COPB2: variants seen among roughly 807,000 people sequenced by gnomAD.
The protein encoded by COPB2 is coat protein complex I subunit beta 2.
A neutral mutation model predicts 120.8 loss-of-function variants in COPB2; 16 were observed. That is an observed-to-expected ratio of 0.13 (90% CI 0.09 to 0.20). The LOEUF (loss-of-function observed/expected upper bound fraction) is 0.20, where lower values mean the gene tolerates loss of function less well. Among genes scored for constraint, COPB2 ranks in the 10% least tolerant of loss-of-function variants. The pLI is 1.00. For missense variants in COPB2, 794 were observed against 1,076.5 expected (o/e 0.74, Z 3.67); for synonymous variants, 332 against 366.3 (o/e 0.91, Z 1.07).
intron 15 of COPB2, 78 bp from the exon 16 acceptor site, chr3:139,362,595 C>T (rs1223467549): frequency 1.3e-6 from 1 of 761,264 alleles, no homozygotes; most frequent in Non-Finnish European, 2.0e-6. Flanking sequence ...TATATACACA[C>T]ACATATACAG....
At chr3:139,358,150 T>C (rs763711557) in intron 21 of COPB2, 50 bp downstream of exon 21, 7 of 1,504,446 alleles carry the variant, frequency 4.7e-6, no homozygotes, top group Admixed American at 3.4e-5. Flanking sequence ...CAGATATTGA[T>C]GGGGAGGAAG....
At chr3:139,364,058 GCATAAGCTCCCAACGA>G (rs1181638561) in intron 15 of COPB2, among the ~76,000 whole-genome samples, 6 of 151,796 alleles carry the variant, frequency 4.0e-5, no homozygotes, top group African/African-American at 1.5e-4. Flanking sequence ...TTTTTTAAAG[GCATAAGCTCCCAACGA>G]CACACAGAAA....
Position 139,375,640 on chromosome 3 carries a change from G to A in COPB2, c.505-26C>T, listed in dbSNP as rs893525825. On this transcript the variant is annotated intron_variant, in intron 5 of 21. Transcript: ENST00000333188. ...CTGCAGAGAGAAACAGCATCGGCCAGTCAATATGGGGCCTTGCTTTACAAA... is the reference window on the plus strand; with the variant it reads ...CTGCAGAGAGAAACAGCATCGGCCAATCAATATGGGGCCTTGCTTTACAAA... 3.1e-6 allele frequency: 5 copies of A among 1,609,990 alleles called. No individual in the cohort carries two copies. The African/African-American group carries it at 6.7e-5, about 22-fold the overall frequency.
chr3:139,372,377 G>T (rs9859864), intron 9 of COPB2, among the ~76,000 whole-genome samples: 69,629 of 152,082 alleles, frequency 0.46, 19,137 homozygotes, highest in Middle Eastern at 0.62. Context: ...CAGAGTCAAC[G>T]AAAATTTTCC....
In COPB2 at chr3:139,374,477, C is replaced by G. The variant is rs1448995370; in HGVS notation, c.751+12G>C. 1 of 1,609,932 alleles carries G rather than the reference C, an allele frequency of 6.2e-7. No individual in the cohort carries two copies. The highest frequency in any genetic ancestry group is 1.7e-5 in the Admixed American group (1 of 60,008). On this transcript the variant is annotated intron_variant, in intron 7 of 21. Coordinates refer to ENST00000333188, the MANE Select transcript of COPB2 (RefSeq NM_004766.3). ...TTACTAGCACAGGAATAAACATACC[C>G]TTCTAACTTACCATCTTCTGAACCT... is the stretch of plus-strand genomic sequence containing the variant.
chr3:139,378,440 C>A (rs1019400243), intron 4 of COPB2, among the ~76,000 whole-genome samples: 3 of 151,962 alleles, frequency 2.0e-5, no homozygotes, highest in Non-Finnish European at 4.4e-5. Context: ...TGTGAAAAAA[C>A]TTAAAAATTC....
At position 139,369,271 on chromosome 3, in the gene COPB2, T is replaced by C. The variant is rs773269860; in HGVS notation, c.1391A>G (p.Gln464Arg). 1.2e-6 allele frequency: 2 copies of C among 1,606,230 alleles called. No individual in the cohort carries two copies. Among genetic ancestry groups the C allele is most frequent in the Non-Finnish European group, 1.7e-6 (2 of 1,175,718 alleles). The change falls in exon 12 of 22, where the codon CAG (glutamine) becomes CGG (arginine). Residue 464 changes from glutamine to arginine, a missense_variant. Gln to Arg is a conservative substitution (Grantham distance 43, BLOSUM62 1). Coordinates refer to ENST00000333188, the MANE Select transcript of COPB2 (RefSeq NM_004766.3). ...NTELIRRIEI[Q>R]PKHIFWSDSG... ...GGAGGGGAAACTCACATGTTTGGGC[T>C]GAATTTCAATTCTTCGTATGAGTTC...
At chr3:139,372,523 C>A (rs1941639332) in intron 9 of COPB2, among the ~76,000 whole-genome samples, 1 of 152,144 alleles carries the variant, frequency 6.6e-6, no homozygotes, top group Non-Finnish European at 1.5e-5. Flanking sequence ...GCATTCTTAA[C>A]CTTTATAAGA....
At chr3:139,364,053 T>A (rs1052339844) in intron 15 of COPB2, among the ~76,000 whole-genome samples, 9 of 152,012 alleles carry the variant, frequency 5.9e-5, no homozygotes, top group Non-Finnish European at 7.4e-5. Flanking sequence ...GATTTTTTTT[T>A]AAAGGCATAA....
intron 2 of COPB2, 69 bp downstream of exon 2, chr3:139,383,229 C>T: frequency 1.3e-6 from 2 of 1,545,640 alleles, no homozygotes; most frequent in Non-Finnish European, 1.8e-6. Context: ...TATAATATTT[C>T]TTCTCTTTCA....
In COPB2 at chr3:139,379,112, G is replaced by A. The variant is rs752646717; in HGVS notation, c.290C>T (p.Ala97Val). ...AATACAGCGAATGTAGTCTGAGTGT[G>A]CTTCAAACATATGAACTCTCTCCAG... ...NTLERVHMFEAHSDYIRCIAV... is the reference protein window; with the variant it reads ...NTLERVHMFEVHSDYIRCIAV... The change falls in exon 4 of 22, where the codon GCA (alanine) becomes GTA (valine). Residue 97 changes from alanine to valine, a missense_variant. Ala to Val is a moderately conservative substitution (Grantham distance 64). Around this residue, in one of 3 missense-constraint regions of COPB2, gnomAD observed 610 missense variants for 866.7 expected, o/e 0.70. Coordinates refer to ENST00000333188, the MANE Select transcript of COPB2 (RefSeq NM_004766.3). 1.2e-6 allele frequency: 2 copies of A among 1,612,820 alleles called. No homozygotes were observed. The highest frequency in any genetic ancestry group is 1.3e-5 in the African/African-American group (1 of 74,950).
intron 1 of COPB2, chr3:139,388,295 CAT>C (rs1347911180): frequency 6.6e-6 from 1 of 150,394 alleles, no homozygotes; most frequent in Admixed American, 6.7e-5. Flanking sequence ...TTCGGCAGCA[CAT>C]AGAGAGGAGA....
chr3:139,362,562 TGTATGTATGTTTTATATA>T, intron 15 of COPB2, 45 bp from the exon 16 acceptor site: 1 of 1,246,946 alleles, frequency 8.0e-7, no homozygotes, highest in Non-Finnish European at 1.1e-6. Flanking sequence ...CATACAAAAA[TGTATGTATGTTTTATATA>T]TATATATATA....
At position 139,369,524 on chromosome 3, in the gene COPB2, T is replaced by C. The variant is rs761083743; in HGVS notation, c.1226A>G (p.Asn409Ser). The C allele has an allele frequency of 6.2e-7, 1 of 1,610,694 alleles. No homozygotes were observed. The highest frequency in any genetic ancestry group is 2.2e-5 in the East Asian group (1 of 44,820). ...DSSEYAIRES[N>S]SIVKIFKNFK... ...GTTCTTAAATATCTTTACAATGCTG[T>C]TGCTCTCTCTTATTGCATACCTGGG... The change falls in exon 11 of 22, where the codon AAC (asparagine) becomes AGC (serine). Residue 409 changes from asparagine (N) to serine (S), a missense_variant. Asn to Ser is a conservative substitution (Grantham distance 46, BLOSUM62 1). Transcript: ENST00000333188.
At chr3:139,375,692 A>G (rs2107805634) in intron 5 of COPB2, 78 bp from the exon 6 acceptor site, 57 of 1,451,658 alleles carry the variant, frequency 3.9e-5, no homozygotes, top group East Asian at 1.2e-4. Context: ...TTTCTGACAC[A>G]TTATGTAAAA....
chr3:139,363,887 A>G (rs1479157361), intron 15 of COPB2, among the ~76,000 whole-genome samples: 2 of 152,212 alleles, frequency 1.3e-5, no homozygotes, highest in East Asian at 3.8e-4. Flanking sequence ...TTCCACTAGC[A>G]TTGATATAGA....
intron 13 of COPB2, among the ~76,000 whole-genome samples, chr3:139,367,476 C>A (rs570963797): frequency 6.6e-6 from 1 of 152,076 alleles, no homozygotes; most frequent in East Asian, 1.9e-4. Context: ...TTCGTAGAGA[C>A]AGGGTTTCAC....
At chr3:139,362,327 T>C in intron 16 of COPB2, 80 bp downstream of exon 16, 1 of 938,826 alleles carries the variant, frequency 1.1e-6, no homozygotes, top group Non-Finnish European at 1.6e-6. Flanking sequence ...AAAACTTTAA[T>C]AACAAAACAT....
chr3:139,369,400 C>G, intron 11 of COPB2, 33 bp from the exon 12 acceptor site: 1 of 1,605,868 alleles, frequency 6.2e-7, no homozygotes, highest in Non-Finnish European at 8.5e-7. Context: ...TTTGCTTAGG[C>G]ATTTTTGAGC....
Sources: gnomAD v4.1 joint callset for allele counts (sites outside exome capture counted in the v4.1 genomes callset) on GRCh38, gnomAD v4.1.1 for gene constraint, gnomAD v4.1.1 regional missense constraint, MANE v1.5 for transcripts, NCBI Gene and HGNC (gene_info 2026-07-23, HGNC 2026-07-21) for gene names.